The following MEIS1 variants were observed in gnomAD, a reference collection of about 807,000 sequenced individuals.
MEIS1 encodes the protein Meis homeobox 1.
Under a neutral mutation model 50.8 loss-of-function variants are expected in MEIS1, and 5 were observed. The observed-to-expected ratio is 0.10, with a 90% CI of 0.05 to 0.21. The LOEUF (loss-of-function observed/expected upper bound fraction) is 0.21. Among genes scored for constraint, MEIS1 ranks in the 10% least tolerant of loss-of-function variants. The pLI, the probability that MEIS1 is intolerant of heterozygous loss-of-function variation, is 1.00. For synonymous variants in MEIS1, 176 were observed against 179.3 expected, an observed-to-expected ratio of 0.98 and a Z score of 0.15; for missense variants, 318 against 517.3, an observed-to-expected ratio of 0.61 and a Z score of 3.74.
At chr2:66,499,733 A>G (rs1423798046) in intron 7 of MEIS1, among the ~76,000 whole-genome samples, 1 of 151,728 alleles carries the variant, frequency 6.6e-6, no homozygotes, top group African/African-American at 2.4e-5. Context: ...GAATACAGAC[A>G]TGTTATCCTG....
chr2:66,492,398 G>GC (rs1168964267), intron 7 of MEIS1, among the ~76,000 whole-genome samples: 1 of 152,144 alleles, frequency 6.6e-6, no homozygotes, highest in African/African-American at 2.4e-5. Context: ...CTGGGTGGAT[G>GC]CTGAGGTCTC....
intron 6 of MEIS1, among the ~76,000 whole-genome samples, chr2:66,452,339 A>G (rs1414915101): frequency 6.6e-6 from 1 of 151,948 alleles, no homozygotes; most frequent in African/African-American, 2.4e-5. Flanking sequence ...ATTCTATCAT[A>G]TACATTATTT....
intron 8 of MEIS1, among the ~76,000 whole-genome samples, chr2:66,539,515 A>G (rs535042161): frequency 8.5e-5 from 13 of 152,286 alleles, no homozygotes; most frequent in African/African-American, 3.1e-4. Context: ...CAAGTTTCAA[A>G]TTCCAGCTCT....
At chr2:66,478,707 C>G (rs948322777) in intron 7 of MEIS1, among the ~76,000 whole-genome samples, 6 of 152,180 alleles carry the variant, frequency 3.9e-5, no homozygotes, top group African/African-American at 1.4e-4. Context: ...AATAATGCAA[C>G]AATTCCAAAT....
chr2:66,486,534 T>A (rs1673147175), intron 7 of MEIS1, among the ~76,000 whole-genome samples: 3 of 152,236 alleles, frequency 2.0e-5, no homozygotes, highest in Admixed American at 2.0e-4. Flanking sequence ...GGTAGTGTGA[T>A]GCCTCCAGCT....
chr2:66,440,084 C>CACACACACACACAA lies in MEIS1; in HGVS notation c.381+108_381+109insACACAAACACACAC, dbSNP rs756093514. On this transcript the variant is annotated intron_variant, in intron 3 of 12. Coordinates refer to ENST00000272369, the MANE Select transcript of MEIS1 (RefSeq NM_002398.3). ...GCGCGCGCGAACACACACACACACACACACACACGGCACACTTTCAAAAGT... is the reference window on the plus strand; with the variant it reads ...GCGCGCGCGAACACACACACACACACACACACACACACAAACACACACGGCACACTTTCAAAAGT... The CACACACACACACAA allele has an allele frequency of 1.6e-4, 173 of 1,100,580 alleles. No homozygotes were observed. The African/African-American group carries it at 2.6e-3, about 16-fold the overall frequency. The allele number at this position is 1,100,580 out of a possible 1,614,324, so 68.2% of individuals were successfully genotyped here. A position where few individuals can be genotyped will look rare whatever the true frequency, so the allele number is the denominator to read the frequency against.
intron 7 of MEIS1, among the ~76,000 whole-genome samples, chr2:66,468,844 C>T (rs557803692): frequency 5.5e-4 from 84 of 152,162 alleles, no homozygotes; most frequent in African/African-American, 2.0e-3. Context: ...GTTTTGCATG[C>T]TAAGTAGAAT....
At chr2:66,521,548 G>A (rs1053683360) in intron 8 of MEIS1, among the ~76,000 whole-genome samples, 3 of 152,140 alleles carry the variant, frequency 2.0e-5, no homozygotes, top group African/African-American at 4.8e-5. Flanking sequence ...GTATGACACC[G>A]AGGTCTGATC....
intron 7 of MEIS1, among the ~76,000 whole-genome samples, chr2:66,507,918 G>A (rs759710650): frequency 2.6e-5 from 4 of 152,230 alleles, no homozygotes; most frequent in Non-Finnish European, 5.9e-5. Context: ...GCCTTGCTCC[G>A]TAGGGACAGG....
chr2:66,561,149 G>A (rs1675203907), intron 9 of MEIS1, among the ~76,000 whole-genome samples: 1 of 151,990 alleles, frequency 6.6e-6, no homozygotes, highest in Non-Finnish European at 1.5e-5. Flanking sequence ...TTTTATTGTT[G>A]TTTAAAAGAA....
chr2:66,534,066 G>A (rs1674460416), intron 8 of MEIS1, among the ~76,000 whole-genome samples: 1 of 152,114 alleles, frequency 6.6e-6, no homozygotes, highest in South Asian at 2.1e-4. Context: ...CCTATGCTAA[G>A]CAATTTGATG....
At chr2:66,441,591 A>G in intron 5 of MEIS1, 127 bp downstream of exon 5, 2 of 754,812 alleles carry the variant, frequency 2.6e-6, no homozygotes, top group Non-Finnish European at 4.2e-6. Context: ...TCTGGTAATT[A>G]GTGTCAAGGC....
At position 66,455,709 on chromosome 2, in the gene MEIS1, C is replaced by G. The variant is rs986305392; in HGVS notation, c.631-8400C>G. On this transcript the variant is annotated intron_variant, in intron 6 of 12. Coordinates refer to ENST00000272369, the MANE Select transcript of MEIS1 (RefSeq NM_002398.3). ...ACTGCCTGCCATAGCAGCCCAGCGCCTGAGTATTGAGAGGAGAATGAAGCA... is the reference window on the plus strand; with the variant it reads ...ACTGCCTGCCATAGCAGCCCAGCGCGTGAGTATTGAGAGGAGAATGAAGCA... Among the ~76,000 whole-genome samples, 13 of 152,214 alleles carry G rather than the reference C, an allele frequency of 8.5e-5. 1 individual carries two copies. The South Asian group carries it at 2.3e-3, about 27-fold the overall frequency.
At chr2:66,456,943 G>T (rs1033346359) in intron 6 of MEIS1, among the ~76,000 whole-genome samples, 1 of 152,082 alleles carries the variant, frequency 6.6e-6, no homozygotes, top group Non-Finnish European at 1.5e-5. Flanking sequence ...GCTATTTCAC[G>T]TCCATATCAT....
At chr2:66,516,953 G>A (rs1572870779) in intron 8 of MEIS1, among the ~76,000 whole-genome samples, 1 of 152,172 alleles carries the variant, frequency 6.6e-6, no homozygotes, top group Admixed American at 6.5e-5. Context: ...TTGGTATCTG[G>A]ATAATCCATT....
chr2:66,508,526 G>C lies in MEIS1; in HGVS notation c.743-3623G>C, dbSNP rs114831579. On this transcript the variant is annotated intron_variant, in intron 7 of 12. Coordinates refer to ENST00000272369, the MANE Select transcript of MEIS1 (RefSeq NM_002398.3). ...AGGAAGTTGCAGGGAGAGGATTTCTGCATTAGAATGTTGCATATGTGCGGC... is the reference window on the plus strand; with the variant it reads ...AGGAAGTTGCAGGGAGAGGATTTCTCCATTAGAATGTTGCATATGTGCGGC... Among the ~76,000 whole-genome samples, 985 of 152,328 alleles carry C rather than the reference G, an allele frequency of 6.5e-3. 7 individuals are homozygous for C. The highest frequency in any genetic ancestry group is 0.02 in the African/African-American group (812 of 41,560).
intron 8 of MEIS1, among the ~76,000 whole-genome samples, chr2:66,545,266 A>G (rs1260503073): frequency 6.6e-6 from 1 of 152,192 alleles, no homozygotes; most frequent in Non-Finnish European, 1.5e-5. Context: ...TAAGACCTGG[A>G]CAACTGTCAG....
chr2:66,501,426 A>G (rs891635792), intron 7 of MEIS1, among the ~76,000 whole-genome samples: 7 of 152,054 alleles, frequency 4.6e-5, no homozygotes, highest in African/African-American at 1.2e-4. Context: ...CTGTTTTTGC[A>G]GGGATTTTTT....
intron 5 of MEIS1, 51 bp downstream of exon 5, chr2:66,441,515 A>C: frequency 2.1e-6 from 3 of 1,406,418 alleles, no homozygotes; most frequent in Non-Finnish European, 2.9e-6. Flanking sequence ...CCCCAAACAC[A>C]CAGGGGGGAG....
Sources: allele counts gnomAD v4.1 joint callset (sites outside exome capture counted in the v4.1 genomes callset), GRCh38; gene constraint gnomAD v4.1.1; transcripts MANE v1.5; gene names NCBI Gene and HGNC (gene_info 2026-07-23, HGNC 2026-07-21).